PDE4DIP: variants seen among roughly 807,000 people sequenced by gnomAD.
PDE4DIP encodes phosphodiesterase 4D interacting protein.
PDE4DIP carries 59 observed loss-of-function variants against 221.4 expected under a neutral mutation model. The observed-to-expected ratio is 0.27, with a 90% CI of 0.22 to 0.33. PDE4DIP has a LOEUF of 0.33. Among genes scored for constraint, PDE4DIP ranks in the 10% least tolerant of loss-of-function variants. The pLI is 1.00. For synonymous variants in PDE4DIP, 404 were observed against 815.9 expected (o/e 0.50, Z 8.60); for missense variants, 1,036 against 2,154.2 (o/e 0.48, Z 10.28).
chr1:149,010,533 G>A (rs782772853), exon 31 of PDE4DIP: 11 of 1,614,026 alleles, frequency 6.8e-6, no homozygotes, highest in Non-Finnish European at 9.3e-6. Context: ...GAATCCAACA[G>A]CAACCCCATC....
At chr1:148,967,901 T>C (rs782373222) in exon 13 of PDE4DIP, 2 of 804,184 alleles carry the variant, frequency 2.5e-6, no homozygotes, top group East Asian at 4.9e-5. Flanking sequence ...AACAAAGAAG[T>C]GGAGGCAAGA....
chr1:148,915,121 T>A (rs1553457200), intron 1 of PDE4DIP, among the ~76,000 whole-genome samples: 2 of 143,782 alleles, frequency 1.4e-5, no homozygotes, highest in African/African-American at 2.6e-5. Flanking sequence ...CTGCCAGTGC[T>A]TTCTTCTGGT....
chr1:148,948,276 T>G (rs1351335091), intron 5 of PDE4DIP, among the ~76,000 whole-genome samples: 1 of 152,166 alleles, frequency 6.6e-6, no homozygotes, highest in Non-Finnish European at 1.5e-5. Context: ...GTAATAATTT[T>G]ATACTACATC....
At chr1:148,981,654 A>G in intron 21 of PDE4DIP, 1 of 444,740 alleles carries the variant, frequency 2.2e-6, no homozygotes, top group Non-Finnish European at 4.2e-6. Flanking sequence ...TGGAGGTTGC[A>G]AAGTGTATTT....
At chr1:148,978,461 T>G in intron 19 of PDE4DIP, 46 bp downstream of exon 22, 4 of 1,371,188 alleles carry the variant, frequency 2.9e-6, no homozygotes, top group Non-Finnish European at 4.0e-6. Context: ...TACATTTTTT[T>G]GTATTCTTTT....
chr1:149,028,967 G>A (rs1232160528), intron 41 of PDE4DIP, among the ~76,000 whole-genome samples: 1 of 152,164 alleles, frequency 6.6e-6, no homozygotes, highest in Non-Finnish European at 1.5e-5. Flanking sequence ...TGTGAAGAAG[G>A]CGGAGACATC....
At chr1:148,992,203 T>C (rs2063255932) in intron 22 of PDE4DIP, 2 of 784,290 alleles carry the variant, frequency 2.6e-6, no homozygotes, top group Non-Finnish European at 4.4e-6. Context: ...TATCTCTTTC[T>C]TCTGCTTCCT....
At chr1:148,958,313 C>T (rs2055916162) in intron 5 of PDE4DIP, among the ~76,000 whole-genome samples, 1 of 151,776 alleles carries the variant, frequency 6.6e-6, no homozygotes, top group Non-Finnish European at 1.5e-5. Context: ...TGCACTACCG[C>T]AGCAGCCTCC....
chr1:149,006,668 T>C (rs1553599097), intron 27 of PDE4DIP: 2 of 142,242 alleles, frequency 1.4e-5, no homozygotes, highest in Non-Finnish European at 3.0e-5. Context: ...TAGGGACATA[T>C]AATTAACACA....
exon 32 of PDE4DIP, chr1:149,012,665 C>A (rs2068932455): frequency 6.2e-7 from 1 of 1,613,476 alleles, no homozygotes; most frequent in Non-Finnish European, 8.5e-7. Context: ...ATCCAGCTTC[C>A]TGCCTTTCAG....
At chr1:148,994,589 T>C (rs1203217936) in intron 22 of PDE4DIP, among the ~76,000 whole-genome samples, 2 of 152,130 alleles carry the variant, frequency 1.3e-5, no homozygotes, top group Admixed American at 6.5e-5. Flanking sequence ...TGATTATATA[T>C]ATATATACAC....
chr1:149,023,796 GTA>G lies in PDE4DIP; in HGVS notation c.6086-645_6086-644del, dbSNP rs1412756088. ...TATGTGTGTACATATATATGTACAT[GTA>G]TATGTGTGCACATATATATGTACAT... On this transcript the variant is annotated intron_variant, in intron 37 of 43. Coordinates refer to ENST00000369354, the Ensembl canonical transcript of PDE4DIP. Among the ~76,000 whole-genome samples the G allele has an allele frequency of 1.1e-3, 151 of 135,358 alleles. 15 individuals carry two copies. The highest frequency in any genetic ancestry group is 4.0e-3 in the African/African-American group (145 of 36,246). 88.8% of individuals were successfully genotyped at this position (135,358 alleles called of 152,430 possible).
chr1:148,864,820 TTTAA>T (rs1284405425), intron 2 of PDE4DIP, among the ~76,000 whole-genome samples: 3 of 104,976 alleles, frequency 2.9e-5, no homozygotes, highest in Admixed American at 2.7e-4. Context: ...TATTATTTTA[TTTAA>T]TCCATATAAC....
At chr1:148,885,166 CAA>C (rs1244896546), upstream of PDE4DIP, among the ~76,000 whole-genome samples, 2 of 145,956 alleles carry the variant, frequency 1.4e-5, no homozygotes, top group Admixed American at 6.9e-5. Context: ...AGACAAGAAA[CAA>C]AATAAATAAG....
intron 5 of PDE4DIP, among the ~76,000 whole-genome samples, chr1:148,956,504 T>C (rs1254649442): frequency 7.9e-5 from 12 of 152,338 alleles, no homozygotes; most frequent in East Asian, 7.7e-4. Context: ...ACAGAATTTA[T>C]GTATGAGGAC....
chr1:149,000,353 G>A (rs587728295), intron 23 of PDE4DIP, among the ~76,000 whole-genome samples: 4 of 152,078 alleles, frequency 2.6e-5, no homozygotes, highest in African/African-American at 4.8e-5. Flanking sequence ...TCAGGAGTTC[G>A]AGACCAGCCT....
intron 22 of PDE4DIP, among the ~76,000 whole-genome samples, chr1:148,995,606 GA>G (rs782741924): frequency 7.5e-5 from 11 of 146,550 alleles, no homozygotes; most frequent in South Asian, 2.2e-4. Context: ...AGGAAATGTG[GA>G]AAAAAAAACC....
intron 3 of PDE4DIP, among the ~76,000 whole-genome samples, chr1:148,874,901 T>C: frequency 6.7e-6 from 1 of 149,392 alleles, no homozygotes; most frequent in South Asian, 2.1e-4. Flanking sequence ...GGTGAACTTT[T>C]CCACTTGAAT....
At chr1:148,929,355 T>G (rs1181914117) in intron 2 of PDE4DIP, 82 bp downstream of exon 5, 1 of 1,450,744 alleles carries the variant, frequency 6.9e-7, no homozygotes, top group Non-Finnish European at 9.4e-7. Context: ...CCAAATTCCT[T>G]AACCTATCTG....
Sources: gnomAD v4.1 joint callset for allele counts (sites outside exome capture counted in the v4.1 genomes callset) on GRCh38, gnomAD v4.1.1 for gene constraint, MANE v1.5 for transcripts, NCBI Gene and HGNC (gene_info 2026-07-23, HGNC 2026-07-21) for gene names.